Variants in PACRG observed in about 807,000 individuals in gnomAD.
The protein encoded by PACRG is parkin coregulated.
PACRG carries 29 observed loss-of-function variants against 29.7 expected under a neutral mutation model. The observed-to-expected ratio is 0.98, with a 90% CI of 0.73 to 1.33. PACRG has a LOEUF of 1.33. Among genes scored for constraint, PACRG ranks in the 40% most tolerant of loss-of-function variants. The probability of loss-of-function intolerance (pLI) is 0.00; values close to 1 mark genes in which losing one functional copy is unlikely to be tolerated. For missense variants in PACRG, 279 were observed against 316.2 expected (o/e 0.88, Z 0.89); for synonymous variants, 116 against 118.7 (o/e 0.98, Z 0.15).
chr6:163,066,684 G>A (rs1811575387), intron 3 of PACRG, among the ~76,000 whole-genome samples: 2 of 152,034 alleles, frequency 1.3e-5, no homozygotes, highest in African/African-American at 4.8e-5. Context: ...AGAACCAAAA[G>A]CACAAAATAG....
intron 4 of PACRG, among the ~76,000 whole-genome samples, chr6:163,202,728 T>C (rs971286964): frequency 1.3e-5 from 2 of 152,070 alleles, no homozygotes; most frequent in African/African-American, 4.8e-5. Context: ...AAGCAATCCA[T>C]ACCAAAAAAA....
chr6:163,156,709 G>A (rs769479079), intron 4 of PACRG, among the ~76,000 whole-genome samples: 12 of 152,202 alleles, frequency 7.9e-5, no homozygotes, highest in Non-Finnish European at 1.5e-4. Context: ...TAAAATCGAG[G>A]TATCTACAGA....
intron 2 of PACRG, among the ~76,000 whole-genome samples, chr6:162,863,802 G>A (rs898950235): frequency 1.3e-5 from 2 of 152,184 alleles, no homozygotes; most frequent in African/African-American, 4.8e-5. Flanking sequence ...ATAAAACCAA[G>A]ATTTGAATAT....
At chr6:162,859,151 G>A (rs1257358557) in intron 2 of PACRG, among the ~76,000 whole-genome samples, 1 of 151,940 alleles carries the variant, frequency 6.6e-6, no homozygotes. Flanking sequence ...GATGATTGAA[G>A]CGAAGCTGTT....
intron 2 of PACRG, among the ~76,000 whole-genome samples, chr6:162,821,343 T>G (rs768925700): frequency 2.0e-5 from 3 of 152,182 alleles, no homozygotes; most frequent in African/African-American, 4.8e-5. Context: ...GTGTATAGAT[T>G]GAAAAGAAAG....
chr6:162,914,785 C>T, intron 2 of PACRG, among the ~76,000 whole-genome samples: 1 of 151,562 alleles, frequency 6.6e-6, no homozygotes, highest in East Asian at 1.9e-4. Flanking sequence ...TATTAGATTT[C>T]TTCCTATTTT....
chr6:162,758,481 C>T (rs1351676593), intron 1 of PACRG, among the ~76,000 whole-genome samples: 1 of 152,114 alleles, frequency 6.6e-6, no homozygotes, highest in Non-Finnish European at 1.5e-5. Context: ...CATCTTCAAC[C>T]AGTTGCCATA....
intron 2 of PACRG, among the ~76,000 whole-genome samples, chr6:162,901,690 G>C (rs562261899): frequency 6.6e-6 from 1 of 152,278 alleles, no homozygotes; most frequent in East Asian, 1.9e-4. Context: ...GAATTTCCTG[G>C]AGAGTCATGT....
chr6:162,966,796 T>A (rs997753611), intron 2 of PACRG, among the ~76,000 whole-genome samples: 2 of 152,086 alleles, frequency 1.3e-5, no homozygotes, highest in Non-Finnish European at 2.9e-5. Flanking sequence ...TTTTTATATA[T>A]TTTGTTACTT....
intron 4 of PACRG, among the ~76,000 whole-genome samples, chr6:163,254,421 C>T (rs1783030535): frequency 6.6e-6 from 1 of 152,142 alleles, no homozygotes; most frequent in African/African-American, 2.4e-5. Context: ...CTTTAAATTC[C>T]ACCCGAAAAC....
At chr6:162,981,932 A>G (rs1802470456) in intron 2 of PACRG, among the ~76,000 whole-genome samples, 1 of 143,902 alleles carries the variant, frequency 6.9e-6, no homozygotes, top group African/African-American at 2.6e-5. Context: ...TTGGTTGACA[A>G]ATTTTTTCTG....
chr6:162,831,289 A>C (rs993564383), intron 2 of PACRG, among the ~76,000 whole-genome samples: 1 of 152,132 alleles, frequency 6.6e-6, no homozygotes, highest in Non-Finnish European at 1.5e-5. Context: ...ATTTATATTT[A>C]TTGCTTTTCA....
intron 4 of PACRG, chr6:163,190,667 A>AAC (rs1286617416): frequency 6.4e-6 from 1 of 156,944 alleles, no homozygotes; most frequent in African/African-American, 2.4e-5. Flanking sequence ...AGTTAACAAA[A>AAC]ACAGTCTAAC....
At chr6:162,833,924 T>C (rs1788995953) in intron 2 of PACRG, among the ~76,000 whole-genome samples, 1 of 152,106 alleles carries the variant, frequency 6.6e-6, no homozygotes, top group Non-Finnish European at 1.5e-5. Context: ...TTGTGGTAAG[T>C]GGTAAGTGCA....
At chr6:163,047,070 A>G (rs976291845) in intron 2 of PACRG, among the ~76,000 whole-genome samples, 1 of 152,186 alleles carries the variant, frequency 6.6e-6, no homozygotes, top group Non-Finnish European at 1.5e-5. Flanking sequence ...TTCGCAGTAC[A>G]TTATCTTATT....
rs1386844852 is a variant in PACRG, at chr6:162,787,580, GTGTATA to G, written c.157-26565_157-26560del. 2.8e-3 allele frequency among the ~76,000 whole-genome samples: 194 copies of G among 69,148 alleles called. 3 individuals carry two copies. The highest frequency in any genetic ancestry group is 4.8e-3 in the African/African-American group (82 of 16,936). 45.4% of individuals were successfully genotyped at this position (69,148 alleles called of 152,430 possible). On this transcript the variant is annotated intron_variant, in intron 1 of 4. Transcript: ENST00000366888. ...TTATTGTGTGTGTGTGTGTGTGTGT[GTGTATA>G]TATATATATATATATATATATATAT...
At chr6:163,034,750 A>G (rs3939989) in intron 2 of PACRG, among the ~76,000 whole-genome samples, 84,167 of 151,978 alleles carry the variant, frequency 0.55, 25,752 homozygotes, top group East Asian at 0.96. Flanking sequence ...GGGTCCCTTT[A>G]TGGTAGCCAG....
At chr6:163,224,469 G>A (rs1781709981) in intron 4 of PACRG, among the ~76,000 whole-genome samples, 2 of 151,380 alleles carry the variant, frequency 1.3e-5, no homozygotes, top group African/African-American at 4.9e-5. Flanking sequence ...ACAGCATGGT[G>A]CTGGCATAAA....
At chr6:162,802,718 T>A (rs1045982066) in intron 1 of PACRG, among the ~76,000 whole-genome samples, 14 of 152,160 alleles carry the variant, frequency 9.2e-5, no homozygotes, top group African/African-American at 3.4e-4. Context: ...ATGTCACTAC[T>A]GCTTTTAGAT....
Sources: gnomAD v4.1 joint callset for allele counts (sites outside exome capture counted in the v4.1 genomes callset) on GRCh38, gnomAD v4.1.1 for gene constraint, MANE v1.5 for transcripts, NCBI Gene and HGNC (gene_info 2026-07-23, HGNC 2026-07-21) for gene names.